Variants in PCNX2 observed in about 807,000 individuals in gnomAD.
PCNX2 encodes the protein pecanex 2, also known as pecanex-like protein 2.
In PCNX2, 168 loss-of-function variants were observed where a neutral mutation model predicts 223.8. The ratio of observed to expected loss-of-function variants is 0.75; its 90% CI spans 0.66 to 0.85. The LOEUF is 0.85. Among genes scored for constraint, PCNX2 ranks in the 40% least tolerant of loss-of-function variants. The pLI is 0.00. For missense variants in PCNX2, 2,507 were observed against 2,675.5 expected (o/e 0.94, Z 1.39); for synonymous variants, 1,006 against 1,052.6 (o/e 0.96, Z 0.86).
intron 23 of PCNX2, among the ~76,000 whole-genome samples, chr1:233,067,609 G>A (rs1672674345): frequency 6.6e-6 from 1 of 151,758 alleles, no homozygotes; most frequent in African/African-American, 2.4e-5. Flanking sequence ...AAGTAAGTGG[G>A]ACTACAGGTG....
the PCNX2 span, among the ~76,000 whole-genome samples, chr1:233,326,034 G>A: frequency 6.6e-6 from 1 of 152,174 alleles, no homozygotes; most frequent in African/African-American, 2.4e-5. Flanking sequence ...TCAACATAGA[G>A]GCAAGACCTC....
Position 232,991,173 on chromosome 1 carries a change from G to A in PCNX2, c.5792-4633C>T, listed in dbSNP as rs1669684797. On this transcript the variant is annotated intron_variant, in intron 32 of 33. Coordinates refer to ENST00000258229, the MANE Select transcript of PCNX2 (RefSeq NM_014801.4). The surrounding 1 kb of genome is among the most constrained non-coding windows in gnomAD (Gnocchi z 4.3). ...AGTGGGGCAGGGGGACAGCAGTGCT[G>A]TATGGAAGGCTGGCCAGGGTCTCTT... 6.6e-6 allele frequency among the ~76,000 whole-genome samples: 1 copy of A among 152,210 alleles called. No homozygotes were observed. The highest frequency in any genetic ancestry group is 1.5e-5 in the Non-Finnish European group (1 of 68,042).
At position 232,999,121 on chromosome 1, in the gene PCNX2, A is replaced by C; in HGVS notation, c.5587T>G (p.Trp1863Gly). ...AAAACTTACCTTACCCACTTGGTCC[A>C]GAACCAGGTCCTAATTCTGTCCAAA... ...ITLDRIRTWFWTKWVRMRKDC... is the reference protein window; with the variant it reads ...ITLDRIRTWFGTKWVRMRKDC... The change falls in exon 31 of 34, where the codon TGG becomes GGG. Residue 1863 changes from tryptophan to glycine, a missense_variant. This residue lies in a region of PCNX2 where 1,372 missense variants were observed against 1,509.4 expected (regional missense o/e 0.91). Transcript: ENST00000258229. 6.2e-7 allele frequency: 1 copy of C among 1,610,224 alleles called. No individual in the cohort carries two copies. The highest frequency in any genetic ancestry group is 2.2e-5 in the East Asian group (1 of 44,736).
intron 19 of PCNX2, among the ~76,000 whole-genome samples, chr1:233,144,266 T>C (rs1677297427): frequency 6.6e-6 from 1 of 152,194 alleles, no homozygotes; most frequent in African/African-American, 2.4e-5. Context: ...GGAAAATATT[T>C]TCATTTTTTA....
chr1:233,102,417 C>T (rs1471357737), intron 21 of PCNX2, among the ~76,000 whole-genome samples: 1 of 152,122 alleles, frequency 6.6e-6, no homozygotes. Context: ...TGCCAGATGA[C>T]ATTTCAGTTC....
chr1:233,269,293 A>G (rs1660509026), intron 1 of PCNX2, among the ~76,000 whole-genome samples: 1 of 152,206 alleles, frequency 6.6e-6, no homozygotes, highest in Non-Finnish European at 1.5e-5. Context: ...TTTACCTGGC[A>G]CATAATAAGC....
At chr1:233,302,792 G>A in the PCNX2 span, among the ~76,000 whole-genome samples, 2,995 of 151,678 alleles carry the variant, frequency 0.02, 116 homozygotes, top group African/African-American at 0.068. Flanking sequence ...AGATTATTTC[G>A]AAGTATATTG....
intron 23 of PCNX2, among the ~76,000 whole-genome samples, chr1:233,084,302 G>A (rs1474794193): frequency 6.6e-6 from 1 of 152,198 alleles, no homozygotes; most frequent in African/African-American, 2.4e-5. Flanking sequence ...GCTGAGAAAG[G>A]CAGGTCCAAG....
intron 20 of PCNX2, among the ~76,000 whole-genome samples, chr1:233,136,385 C>T (rs767901558): frequency 6.6e-6 from 1 of 152,134 alleles, no homozygotes; most frequent in Non-Finnish European, 1.5e-5. Flanking sequence ...TTAAGAAGTA[C>T]AAAATTGTCA....
At chr1:233,134,153 C>A (rs926482163) in intron 21 of PCNX2, among the ~76,000 whole-genome samples, 2 of 152,176 alleles carry the variant, frequency 1.3e-5, no homozygotes, top group Non-Finnish European at 2.9e-5. Flanking sequence ...CCAGAAGAAA[C>A]CCCGTGGCTG....
intron 1 of PCNX2, among the ~76,000 whole-genome samples, chr1:233,282,210 C>G (rs555078440): frequency 6.6e-6 from 1 of 152,106 alleles, no homozygotes; most frequent in African/African-American, 2.4e-5. Flanking sequence ...TGTCTCCCGA[C>G]GCCTCCTCTT....
chr1:233,211,804 TG>T, intron 12 of PCNX2: 5 of 985,358 alleles, frequency 5.1e-6, no homozygotes, highest in Non-Finnish European at 6.0e-6. Flanking sequence ...ACACAGAATG[TG>T]AACATTACTC....
At chr1:233,145,027 C>T (rs1345859195) in intron 19 of PCNX2, among the ~76,000 whole-genome samples, 1 of 148,814 alleles carries the variant, frequency 6.7e-6, no homozygotes, top group Non-Finnish European at 1.5e-5. Context: ...TGCAGTGGCT[C>T]AATCTCGGCT....
chr1:233,212,844 T>G (rs1681896172), intron 12 of PCNX2, among the ~76,000 whole-genome samples: 2 of 152,366 alleles, frequency 1.3e-5, no homozygotes, highest in South Asian at 2.1e-4. Flanking sequence ...ACCTTCTTAT[T>G]TCTTAGGATT....
chr1:233,033,241 T>C, intron 25 of PCNX2: 1 of 960,510 alleles, frequency 1.0e-6, no homozygotes, highest in African/African-American at 1.8e-5. Flanking sequence ...ACTTATTTAT[T>C]CCCACCTAAT....
intron 21 of PCNX2, among the ~76,000 whole-genome samples, chr1:233,124,777 T>G (rs945900864): frequency 6.6e-6 from 1 of 152,248 alleles, no homozygotes; most frequent in Non-Finnish European, 1.5e-5. Context: ...TCACACATAT[T>G]TAGCATGTTT....
At chr1:233,087,848 A>C (rs981995946) in intron 23 of PCNX2, among the ~76,000 whole-genome samples, 2 of 152,158 alleles carry the variant, frequency 1.3e-5, no homozygotes, top group Non-Finnish European at 2.9e-5. Context: ...TTCCTTGTAC[A>C]TACCCACAGA....
rs746495036 is a variant in PCNX2 at position 233,057,320 on chromosome 1, C to T, written c.4077-30G>A. 79 of 1,555,526 alleles carry T rather than the reference C, an allele frequency of 5.1e-5. 3 individuals are homozygous for T. In the South Asian group the frequency reaches 8.9e-4, roughly 18 times the overall value. ...AAGAGGCCACAAAAGGGTAAAAGGTCATGATTAGATCCCCCCAAGCAGAAG... is the reference window on the plus strand; with the variant it reads ...AAGAGGCCACAAAAGGGTAAAAGGTTATGATTAGATCCCCCCAAGCAGAAG... On this transcript the variant is annotated intron_variant, in intron 23 of 33. Coordinates refer to ENST00000258229, the MANE Select transcript of PCNX2 (RefSeq NM_014801.4).
chr1:233,172,217 A>AGTTTAG (rs1158484988), intron 17 of PCNX2, among the ~76,000 whole-genome samples: 1 of 152,138 alleles, frequency 6.6e-6, no homozygotes, highest in Non-Finnish European at 1.5e-5. Flanking sequence ...CTTATTTCCA[A>AGTTTAG]GTTTAGGTTA....
Sources: gnomAD v4.1 joint callset for allele counts (sites outside exome capture counted in the v4.1 genomes callset) on GRCh38, gnomAD v4.1.1 for gene constraint, gnomAD v4.1.1 regional missense constraint, Gnocchi (gnomAD v3.1) non-coding constraint, MANE v1.5 for transcripts, NCBI Gene and HGNC (gene_info 2026-07-23, HGNC 2026-07-21) for gene names.